The following DNAAF9 variants were observed in gnomAD, a reference collection of about 807,000 sequenced individuals.
DNAAF9 encodes dynein axonemal assembly factor 9, also known as shulin.
Under a neutral mutation model 167.0 loss-of-function variants are expected in DNAAF9, and 90 were observed. The observed-to-expected ratio is 0.54, with a 90% CI of 0.45 to 0.64. The LOEUF is 0.64. Among genes scored for constraint, DNAAF9 ranks in the 30% least tolerant of loss-of-function variants. The pLI is 0.00. For synonymous variants in DNAAF9, 491 were observed against 508.8 expected (o/e 0.96, Z 0.47); for missense variants, 1,315 against 1,442.2 (o/e 0.91, Z 1.43).
At chr20:3,339,720 T>C (rs1417096408) in intron 10 of DNAAF9, among the ~76,000 whole-genome samples, 1 of 152,146 alleles carries the variant, frequency 6.6e-6, no homozygotes, top group African/African-American at 2.4e-5. Context: ...TCTTAGCTAT[T>C]TCCCCCTCTC....
intron 12 of DNAAF9, among the ~76,000 whole-genome samples, chr20:3,327,499 C>T (rs1340048024): frequency 6.6e-6 from 1 of 152,038 alleles, no homozygotes; most frequent in Non-Finnish European, 1.5e-5. Context: ...CCCTGAAAGG[C>T]CAGGAGAGGC....
At chr20:3,390,168 T>C (rs996008703) in intron 1 of DNAAF9, among the ~76,000 whole-genome samples, 2 of 152,182 alleles carry the variant, frequency 1.3e-5, no homozygotes, top group Admixed American at 6.5e-5. Flanking sequence ...CATGGTTATG[T>C]AGTAGGATGT....
intron 12 of DNAAF9, among the ~76,000 whole-genome samples, chr20:3,329,412 G>GC (rs537042879): frequency 1.6e-3 from 246 of 152,256 alleles, no homozygotes; most frequent in Admixed American, 2.9e-3. Context: ...GCCTGCCTCG[G>GC]CCCCCCAGAG....
At chr20:3,308,590 C>T (rs956977601) in intron 20 of DNAAF9, among the ~76,000 whole-genome samples, 2 of 151,880 alleles carry the variant, frequency 1.3e-5, no homozygotes, top group African/African-American at 2.4e-5. Context: ...GTGACCTGCC[C>T]GCCTCGGCCT....
At chr20:3,322,842 CT>C (rs1197962578) in intron 14 of DNAAF9, 146 bp from the exon 15 acceptor site, 4 of 724,170 alleles carry the variant, frequency 5.5e-6, no homozygotes, top group Non-Finnish European at 1.0e-5. Context: ...ATTTTGGATA[CT>C]TTCCCCAGGG....
chr20:3,258,285 T>C (rs1285890924), intron 33 of DNAAF9, among the ~76,000 whole-genome samples: 1 of 152,082 alleles, frequency 6.6e-6, no homozygotes, highest in Non-Finnish European at 1.5e-5. Context: ...TGGGCTTGGG[T>C]GTGGGGCCGA....
Position 3,249,610 on chromosome 20 carries a change from T to C in DNAAF9, c.*2962A>G, listed in dbSNP as rs965697630. The C allele has an allele frequency of 1.3e-5, 2 of 152,248 alleles. No individual in the cohort carries two copies. Among genetic ancestry groups the C allele is most frequent in the Non-Finnish European group, 2.9e-5 (2 of 68,036 alleles). 9.4% of individuals were successfully genotyped at this position (152,248 alleles called of 1,614,324 possible). On this transcript the variant is annotated 3_prime_UTR_variant, in exon 37 of 37. Coordinates refer to ENST00000252032, the MANE Select transcript of DNAAF9 (RefSeq NM_001009984.3). ...ATTTTGGCACGTAAGTGAGCTCTTA[T>C]GTCATTAGTATTTGACATCCTGGGA...
At chr20:3,355,181 CT>C (rs34267067) in intron 7 of DNAAF9, among the ~76,000 whole-genome samples, 2 of 152,202 alleles carry the variant, frequency 1.3e-5, no homozygotes, top group African/African-American at 2.4e-5. Context: ...TGCATTTTCA[CT>C]TTTTTTCATA....
intron 13 of DNAAF9, 135 bp downstream of exon 13, chr20:3,326,062 T>C (rs80312144): frequency 0.031 from 20,099 of 648,060 alleles, 472 homozygotes; most frequent in African/African-American, 0.095. Context: ...TCAGGGCTTC[T>C]CTCTGCCTGG....
intron 21 of DNAAF9, among the ~76,000 whole-genome samples, chr20:3,301,989 G>T (rs902326705): frequency 2.6e-4 from 39 of 152,114 alleles, no homozygotes; most frequent in African/African-American, 8.2e-4. Context: ...GCAGCCCAGG[G>T]TGGAGTGCAG....
intron 1 of DNAAF9, among the ~76,000 whole-genome samples, chr20:3,391,474 G>GA (rs979613544): frequency 2.0e-5 from 3 of 150,870 alleles, no homozygotes; most frequent in Admixed American, 6.6e-5. Context: ...TATTTTGAGG[G>GA]AAAAAAAGGA....
At chr20:3,279,413 G>A (rs2068729289) in intron 28 of DNAAF9, among the ~76,000 whole-genome samples, 1 of 152,146 alleles carries the variant, frequency 6.6e-6, no homozygotes, top group East Asian at 1.9e-4. Flanking sequence ...AACTCAAAAG[G>A]TGAATGAAAA....
At chr20:3,397,975 C>T (rs930014049) in intron 1 of DNAAF9, among the ~76,000 whole-genome samples, 3 of 152,188 alleles carry the variant, frequency 2.0e-5, no homozygotes, top group Admixed American at 1.3e-4. Flanking sequence ...GAGGACTATA[C>T]TCCTCTCAGC....
At chr20:3,297,409 A>G (rs1010936492) in intron 22 of DNAAF9, among the ~76,000 whole-genome samples, 2 of 152,168 alleles carry the variant, frequency 1.3e-5, no homozygotes, top group African/African-American at 4.8e-5. Context: ...AAGCTATACT[A>G]TAGCCAAGGT....
intron 7 of DNAAF9, among the ~76,000 whole-genome samples, chr20:3,350,190 CAA>C (rs1415863398): frequency 6.7e-6 from 1 of 148,938 alleles, no homozygotes; most frequent in African/African-American, 2.5e-5. Context: ...CACACACACA[CAA>C]ATTCTGGCCA....
In DNAAF9 at chr20:3,294,614, C is replaced by CTG; in HGVS notation, c.2032_2033dup (p.Gln678HisfsTer8). On this transcript the variant is annotated frameshift_variant, in exon 24 of 37. Transcript: ENST00000252032. LOFTEE classifies it high-confidence loss of function. ...GCTGGCTCAGGGCACTGAAGAGCTT[C>CTG]TGTGCACTGGAGTGCCTGGAATAAC... 6.2e-7 allele frequency: 1 copy of CTG among 1,611,288 alleles called. No individual in the cohort carries two copies. Among genetic ancestry groups the CTG allele is most frequent in the Non-Finnish European group, 8.5e-7 (1 of 1,177,446 alleles).
chr20:3,343,151 CA>C (rs1410651643), intron 9 of DNAAF9, among the ~76,000 whole-genome samples: 1 of 152,128 alleles, frequency 6.6e-6, no homozygotes, highest in Non-Finnish European at 1.5e-5. Context: ...TAGATTTTAG[CA>C]GACAACAGTG....
At chr20:3,341,295 T>G (rs2070079874) in intron 9 of DNAAF9, among the ~76,000 whole-genome samples, 1 of 151,900 alleles carries the variant, frequency 6.6e-6, no homozygotes, top group Admixed American at 6.6e-5. Flanking sequence ...CAGATAGTCT[T>G]CAGGTCTTCC....
intron 31 of DNAAF9, among the ~76,000 whole-genome samples, chr20:3,260,581 G>T (rs1233026651): frequency 1.4e-5 from 2 of 146,520 alleles, no homozygotes; most frequent in Non-Finnish European, 3.0e-5. Context: ...CTGAGTTTGG[G>T]GGTCCTTCCT....
Sources: allele counts gnomAD v4.1 joint callset (sites outside exome capture counted in the v4.1 genomes callset), GRCh38; gene constraint gnomAD v4.1.1; transcripts MANE v1.5; gene names NCBI Gene and HGNC (gene_info 2026-07-23, HGNC 2026-07-21).